The following ATP10A variants were observed in gnomAD, a reference collection of about 807,000 sequenced individuals.
ATP10A encodes the protein phospholipid-transporting ATPase VA.
In ATP10A, 111 loss-of-function variants were observed where a neutral mutation model predicts 147.8. The observed-to-expected ratio is 0.75, with a 90% CI of 0.64 to 0.88. The LOEUF is 0.88. ATP10A is among the 40% of genes least tolerant of loss of function. The pLI is 0.00. For synonymous variants in ATP10A, 875 were observed against 841.6 expected (o/e 1.04, Z -0.69); for missense variants, 1,927 against 1,959.0 (o/e 0.98, Z 0.31).
chr15:25,748,003 C>T (rs1308338150), intron 2 of ATP10A, among the ~76,000 whole-genome samples: 2 of 151,532 alleles, frequency 1.3e-5, no homozygotes, highest in South Asian at 2.1e-4. Context: ...CTCGCTCTGT[C>T]GCCGAGGCTG....
chr15:25,790,207 G>A (rs948257902), intron 1 of ATP10A, among the ~76,000 whole-genome samples: 29 of 152,214 alleles, frequency 1.9e-4, no homozygotes, highest in Non-Finnish European at 1.6e-4. Flanking sequence ...GAGGCAGTGA[G>A]AAATGATAGT....
chr15:25,808,377 G>A (rs963038083), intron 1 of ATP10A, among the ~76,000 whole-genome samples: 1 of 147,896 alleles, frequency 6.8e-6, no homozygotes, highest in African/African-American at 2.5e-5. Context: ...TTGCAGGTGT[G>A]AGAACAGTTT....
At chr15:25,839,663 C>T (rs185383196) in intron 1 of ATP10A, among the ~76,000 whole-genome samples, 7 of 152,270 alleles carry the variant, frequency 4.6e-5, no homozygotes, top group South Asian at 2.1e-4. Context: ...CTGGGCACAC[C>T]AAATTTCCAT....
In ATP10A at chr15:25,683,481, G is replaced by T. The variant is rs75649177; in HGVS notation, c.3297C>A (p.Phe1099Leu). The change falls in exon 17 of 21, where the codon TTC (phenylalanine) becomes TTA (leucine). Residue 1099 changes from phenylalanine to leucine, a missense_variant. Transcript: ENST00000555815. ...VLYFFYKNTM[F>L]VGLLFWFQFF... is the part of the protein sequence containing the mutation. ...ACTGGAACCAAAACAGGAGGCCCAC[G>T]AACATCTGAAATCAAGAAAGGAAGA... The T allele has an allele frequency of 2.5e-6, 4 of 1,611,708 alleles. No homozygotes were observed. The African/African-American group carries it at 4.0e-5, about 16-fold the overall frequency.
chr15:25,760,848 C>T (rs760019891), intron 2 of ATP10A, among the ~76,000 whole-genome samples: 17 of 152,160 alleles, frequency 1.1e-4, no homozygotes, highest in Non-Finnish European at 2.1e-4. Context: ...TACATACATA[C>T]AAGCATACAT....
chr15:25,683,009 T>C (rs889718554), intron 17 of ATP10A, among the ~76,000 whole-genome samples: 2 of 152,128 alleles, frequency 1.3e-5, no homozygotes, highest in East Asian at 3.9e-4. Context: ...AAATCCCCCC[T>C]CTAGCTTCAG....
intron 1 of ATP10A, among the ~76,000 whole-genome samples, chr15:25,855,137 G>A (rs1024299483): frequency 2.0e-5 from 3 of 150,954 alleles, no homozygotes; most frequent in Non-Finnish European, 4.4e-5. Context: ...TATGAGACCA[G>A]TATAGTACTT....
At chr15:25,754,135 G>T (rs563953443) in intron 2 of ATP10A, among the ~76,000 whole-genome samples, 2 of 152,008 alleles carry the variant, frequency 1.3e-5, no homozygotes, top group South Asian at 2.1e-4. Flanking sequence ...TTTGTTTTTG[G>T]TTGTTTGTTT....
In ATP10A at chr15:25,722,828, G is replaced by A. The variant is rs1404126043; in HGVS notation, c.1111-919C>T. On this transcript the variant is annotated intron_variant, in intron 6 of 20. Transcript: ENST00000555815. ...TTGGTAGTGACCCCACTGCCCCCTC[G>A]TCCTCTGGACTCTGGGACCCTCCCC... is the stretch of plus-strand genomic sequence containing the variant. Among the ~76,000 whole-genome samples, 4 of 152,076 alleles carry A rather than the reference G, an allele frequency of 2.6e-5. No individual in the cohort carries two copies. In the South Asian group the frequency reaches 6.2e-4, roughly 24 times the overall value.
chr15:25,812,947 TATA>T (rs1377129148), intron 1 of ATP10A, among the ~76,000 whole-genome samples: 1 of 152,220 alleles, frequency 6.6e-6, no homozygotes, highest in Non-Finnish European at 1.5e-5. Context: ...ACAATTATCC[TATA>T]ATAAGGCAAA....
At chr15:25,676,639 C>T (rs1044082490), downstream of ATP10A, among the ~76,000 whole-genome samples, 5 of 152,186 alleles carry the variant, frequency 3.3e-5, no homozygotes, top group African/African-American at 1.2e-4. Context: ...GAGTACATCA[C>T]TTGGGCGATT....
intron 2 of ATP10A, 150 bp from the exon 3 acceptor site, chr15:25,736,291 G>A (rs902383079): frequency 2.7e-5 from 18 of 660,516 alleles, no homozygotes; most frequent in Non-Finnish European, 3.6e-5. Flanking sequence ...CCAAAGCAAC[G>A]CCTTCTCCAC....
intron 2 of ATP10A, among the ~76,000 whole-genome samples, chr15:25,745,778 G>T (rs1207020111): frequency 6.6e-6 from 1 of 152,078 alleles, no homozygotes; most frequent in Non-Finnish European, 1.5e-5. Flanking sequence ...GCTTAAAAAG[G>T]GCCCTTGAAT....
At chr15:25,784,871 G>C (rs562888622) in intron 1 of ATP10A, among the ~76,000 whole-genome samples, 2 of 151,422 alleles carry the variant, frequency 1.3e-5, no homozygotes, top group Non-Finnish European at 1.5e-5. Context: ...GCAGTGAGCC[G>C]AGATCGCGCC....
In ATP10A at chr15:25,680,908, A is replaced by G. The variant is rs1596672761; in HGVS notation, c.3580T>C (p.Tyr1194His). ...GTAAACAGGTCCACGTTCGAGTCAT[A>G]GTAGGCCTGAAAGACAGTGGGGTCC... is the stretch of plus-strand genomic sequence containing the variant. ...VCFSIPYLAY[Y>H]DSNVDLFTWG... The change falls in exon 19 of 21, where the codon TAT (tyrosine) becomes CAT (histidine). Residue 1194 changes from tyrosine to histidine, a missense_variant. By Grantham distance (83) the Tyr-to-His change is moderately conservative (BLOSUM62 2). Transcript: ENST00000555815. 2 of 1,614,184 alleles carry G rather than the reference A, an allele frequency of 1.2e-6. No homozygotes were observed. Among genetic ancestry groups the G allele is most frequent in the Non-Finnish European group, 1.7e-6 (2 of 1,180,024 alleles).
intron 1 of ATP10A, among the ~76,000 whole-genome samples, chr15:25,810,663 T>C (rs1596934399): frequency 6.6e-6 from 1 of 152,154 alleles, no homozygotes. Context: ...GGCCTGTTTG[T>C]ACCACGGTCT....
chr15:25,837,979 A>G (rs58915608), intron 1 of ATP10A, among the ~76,000 whole-genome samples: 23,933 of 152,250 alleles, frequency 0.16, 2,108 homozygotes, highest in South Asian at 0.33. Context: ...CTGAGCTGCC[A>G]GGGCTCCGGG....
chr15:25,834,020 A>G (rs1892485483), intron 1 of ATP10A, among the ~76,000 whole-genome samples: 1 of 152,144 alleles, frequency 6.6e-6, no homozygotes, highest in Non-Finnish European at 1.5e-5. Context: ...CTCAGCAAGT[A>G]TACAATACAT....
intron 1 of ATP10A, 88 bp from the exon 2 acceptor site, chr15:25,781,311 T>C: frequency 8.9e-7 from 1 of 1,124,100 alleles, no homozygotes; most frequent in Non-Finnish European, 1.3e-6. Context: ...CATATGGCAA[T>C]TCTTTCTACA....
Sources: allele counts gnomAD v4.1 joint callset (sites outside exome capture counted in the v4.1 genomes callset), GRCh38; gene constraint gnomAD v4.1.1; transcripts MANE v1.5; gene names NCBI Gene and HGNC (gene_info 2026-07-23, HGNC 2026-07-21).